Variants in AGBL1 observed in about 807,000 individuals in gnomAD.
The protein encoded by AGBL1 is cytosolic carboxypeptidase 4.
AGBL1 carries 130 observed loss-of-function variants against 118.9 expected under a neutral mutation model. The ratio of observed to expected loss-of-function variants is 1.09; its 90% CI spans 0.95 to 1.26. The LOEUF is 1.26. AGBL1 is among the 50% of genes most tolerant of loss of function. The pLI, the probability that AGBL1 is intolerant of heterozygous loss-of-function variation, is 0.00. For synonymous variants in AGBL1, 555 were observed against 478.9 expected, an observed-to-expected ratio of 1.16 and a Z score of -2.08; for missense variants, 1,584 against 1,298.1, an observed-to-expected ratio of 1.22 and a Z score of -3.38.
chr15:86,902,961 A>C (rs1270213965), intron 22 of AGBL1, among the ~76,000 whole-genome samples: 1 of 152,136 alleles, frequency 6.6e-6, no homozygotes, highest in African/African-American at 2.4e-5. Flanking sequence ...TGCATAGTTT[A>C]GGACATTTTC....
intron 22 of AGBL1, among the ~76,000 whole-genome samples, chr15:86,826,727 G>A (rs759364977): frequency 1.3e-5 from 2 of 152,138 alleles, no homozygotes; most frequent in Admixed American, 6.6e-5. Context: ...CTGGGGATAA[G>A]GGAGCATCAG....
chr15:86,703,814 T>C (rs988703992), intron 22 of AGBL1, among the ~76,000 whole-genome samples: 1 of 152,092 alleles, frequency 6.6e-6, no homozygotes, highest in African/African-American at 2.4e-5. Context: ...TCCCTGCCCA[T>C]GTGGAAGTGT....
chr15:86,295,257 T>A lies in AGBL1; in HGVS notation c.2223T>A (p.Thr741=). 2.5e-6 allele frequency: 4 copies of A among 1,613,520 alleles called. No individual in the cohort carries two copies. The highest frequency in any genetic ancestry group is 3.4e-6 in the Non-Finnish European group (4 of 1,179,652). Residue 741 remains threonine (T), a splice_region_variant and synonymous_variant, in exon 17 of 23, where the codon ACT becomes ACA. Coordinates refer to ENST00000614907, the MANE Select transcript of AGBL1 (RefSeq NM_001386094.1). ...HYPYTYTALM[T]HLDILEKSVN... is the part of the protein sequence containing the mutation. ...TGCCTGCTTTATTTCTGCTCCAGAC[T>A]CATCTTGACATCCTGGAAAAGAGTG...
intron 23 of AGBL1, among the ~76,000 whole-genome samples, chr15:86,968,914 TA>T (rs1239197381): frequency 1.3e-5 from 2 of 151,830 alleles, no homozygotes; most frequent in Non-Finnish European, 2.9e-5. Context: ...GCCTTCTTTA[TA>T]AAGGCGCTAA....
At chr15:86,423,517 G>A (rs565790792) in intron 18 of AGBL1, among the ~76,000 whole-genome samples, 2 of 152,260 alleles carry the variant, frequency 1.3e-5, no homozygotes, top group South Asian at 4.1e-4. Flanking sequence ...ATTCAACATA[G>A]TATTTGAAGT....
intron 23 of AGBL1, among the ~76,000 whole-genome samples, chr15:86,965,393 CT>C (rs891802721): frequency 2.6e-5 from 4 of 151,500 alleles, no homozygotes; most frequent in Admixed American, 1.3e-4. Context: ...TGATGATGAA[CT>C]TTTTTTTTCA....
At chr15:86,654,648 G>C (rs957589338) in intron 21 of AGBL1, among the ~76,000 whole-genome samples, 2 of 152,116 alleles carry the variant, frequency 1.3e-5, no homozygotes, top group South Asian at 4.1e-4. Context: ...GCAGGTGTCA[G>C]GGTAACGTGT....
intron 23 of AGBL1, among the ~76,000 whole-genome samples, chr15:86,927,968 T>C (rs2080563030): frequency 1.3e-5 from 2 of 152,176 alleles, no homozygotes; most frequent in East Asian, 1.9e-4. Flanking sequence ...TGTATGTATA[T>C]TGTGAGCATG....
At chr15:86,502,911 G>A (rs1478496428) in intron 18 of AGBL1, among the ~76,000 whole-genome samples, 4 of 151,226 alleles carry the variant, frequency 2.6e-5, no homozygotes, top group Admixed American at 6.6e-5. Flanking sequence ...TTTGCTACCC[G>A]GCTAATATTG....
intron 22 of AGBL1, among the ~76,000 whole-genome samples, chr15:86,817,160 C>T (rs954307238): frequency 6.6e-6 from 1 of 151,820 alleles, no homozygotes; most frequent in Non-Finnish European, 1.5e-5. Flanking sequence ...GCGTGGTGGT[C>T]AGGTGGCTGT....
chr15:86,537,914 A>G (rs1482593075), intron 19 of AGBL1, among the ~76,000 whole-genome samples: 5 of 152,236 alleles, frequency 3.3e-5, no homozygotes, highest in Non-Finnish European at 7.3e-5. Flanking sequence ...TAAAATCATT[A>G]CTTACTAGAA....
At chr15:86,113,723 AGTCACTTGTCCATCACAG>A (rs1169257642) in intron 1 of AGBL1, among the ~76,000 whole-genome samples, 2 of 152,224 alleles carry the variant, frequency 1.3e-5, no homozygotes, top group African/African-American at 4.8e-5. Context: ...CACCTAACAT[AGTCACTTGTCCATCACAG>A]GTGCTCACTA....
intron 18 of AGBL1, among the ~76,000 whole-genome samples, chr15:86,494,774 A>T (rs1021577813): frequency 6.6e-6 from 1 of 152,042 alleles, no homozygotes; most frequent in Non-Finnish European, 1.5e-5. Context: ...ATAAGTCTAG[A>T]TAGTGATTAT....
chr15:86,246,796 C>G lies in AGBL1; in HGVS notation c.527-875C>G, dbSNP rs187745964. Among the ~76,000 whole-genome samples the G allele has an allele frequency of 2.5e-3, 377 of 152,284 alleles. 1 individual carries two copies. The highest frequency in any genetic ancestry group is 8.6e-3 in the African/African-American group (359 of 41,560). On this transcript the variant is annotated intron_variant, in intron 6 of 22. Coordinates refer to ENST00000614907, the MANE Select transcript of AGBL1 (RefSeq NM_001386094.1). ...CTTCCATTCTCTTTAGAAAGGACAG[C>G]CAACATATCTCTTAGACATGGCAGC...
intron 21 of AGBL1, among the ~76,000 whole-genome samples, chr15:86,583,095 G>T (rs2142335565): frequency 6.6e-6 from 1 of 151,376 alleles, no homozygotes; most frequent in East Asian, 1.9e-4. Context: ...ATGTAAATAT[G>T]ATTAGCTATT....
At chr15:86,438,576 C>T (rs992370482) in intron 18 of AGBL1, among the ~76,000 whole-genome samples, 1 of 151,898 alleles carries the variant, frequency 6.6e-6, no homozygotes, top group Non-Finnish European at 1.5e-5. Flanking sequence ...ACAAGTATGT[C>T]CCATGCAATA....
At chr15:86,726,940 G>T (rs765522564) in intron 22 of AGBL1, among the ~76,000 whole-genome samples, 3 of 152,250 alleles carry the variant, frequency 2.0e-5, no homozygotes, top group African/African-American at 7.2e-5. Flanking sequence ...TGGTAGAAAC[G>T]TCGTTTTCCT....
At chr15:86,649,589 A>T (rs1276725312) in intron 21 of AGBL1, among the ~76,000 whole-genome samples, 4 of 152,154 alleles carry the variant, frequency 2.6e-5, no homozygotes, top group Non-Finnish European at 5.9e-5. Flanking sequence ...CAAATATGTG[A>T]TTAGATTGGC....
intron 6 of AGBL1, among the ~76,000 whole-genome samples, chr15:86,232,161 C>T (rs2078466368): frequency 6.6e-6 from 1 of 152,172 alleles, no homozygotes; most frequent in Non-Finnish European, 1.5e-5. Flanking sequence ...GTCCTCTCTG[C>T]CAAAATGTTA....
Sources: allele counts gnomAD v4.1 joint callset (sites outside exome capture counted in the v4.1 genomes callset), GRCh38; gene constraint gnomAD v4.1.1; transcripts MANE v1.5; gene names NCBI Gene and HGNC (gene_info 2026-07-23, HGNC 2026-07-21).